The following GLT1D1 variants were observed in gnomAD, a reference collection of about 807,000 sequenced individuals.
The protein encoded by GLT1D1 is glycosyltransferase 1 domain-containing protein 1.
In GLT1D1, 21 loss-of-function variants were observed where a neutral mutation model predicts 28.7. That is an observed-to-expected ratio of 0.73 (90% CI 0.52 to 1.05). The LOEUF is 1.05. Among genes scored for constraint, GLT1D1 ranks in the 50% least tolerant of loss-of-function variants. GLT1D1 has a pLI of 0.00. For missense variants in GLT1D1, 343 were observed against 330.6 expected (o/e 1.04, Z -0.29); for synonymous variants, 147 against 124.8 (o/e 1.18, Z -1.19).
chr12:128,948,341 G>C (rs1288614355), intron 6 of GLT1D1, among the ~76,000 whole-genome samples: 1 of 152,104 alleles, frequency 6.6e-6, no homozygotes, highest in Non-Finnish European at 1.5e-5. Flanking sequence ...TGCCCTGGGG[G>C]CTCCTGAAGA....
intron 2 of GLT1D1, among the ~76,000 whole-genome samples, chr12:128,883,003 G>A (rs1333558767): frequency 6.6e-6 from 1 of 150,954 alleles, no homozygotes; most frequent in African/African-American, 2.4e-5. Context: ...TCGGCTCACC[G>A]CAACCTCTGA....
chr12:128,928,439 G>A (rs778834604), intron 4 of GLT1D1, among the ~76,000 whole-genome samples: 1 of 151,980 alleles, frequency 6.6e-6, no homozygotes, highest in Non-Finnish European at 1.5e-5. Context: ...TGTGTTCCAC[G>A]CCAGTCCTAA....
intron 1 of GLT1D1, among the ~76,000 whole-genome samples, chr12:128,865,136 T>C (rs950226663): frequency 6.6e-6 from 1 of 152,152 alleles, no homozygotes; most frequent in Non-Finnish European, 1.5e-5. Context: ...CGCCGAGGCT[T>C]CTGCCAGGAC....
At chr12:128,969,515 G>C (rs1251840539) in intron 7 of GLT1D1, among the ~76,000 whole-genome samples, 2 of 152,172 alleles carry the variant, frequency 1.3e-5, no homozygotes, top group Non-Finnish European at 2.9e-5. Flanking sequence ...GGTGTGCACC[G>C]AGCTGAGTGT....
intron 4 of GLT1D1, chr12:128,944,502 A>G (rs967621814): frequency 8.0e-5 from 84 of 1,046,826 alleles, no homozygotes; most frequent in Non-Finnish European, 1.1e-4. Flanking sequence ...TCAGAGCATC[A>G]ATGCCCACAG....
intron 7 of GLT1D1, among the ~76,000 whole-genome samples, chr12:128,981,939 A>T (rs575169542): frequency 6.6e-6 from 1 of 152,118 alleles, no homozygotes; most frequent in Non-Finnish European, 1.5e-5. Context: ...CGTGTCAAGA[A>T]CTCTGCTGTT....
chr12:128,863,498 A>T (rs140674475), intron 1 of GLT1D1, among the ~76,000 whole-genome samples: 12,107 of 151,986 alleles, frequency 0.08, 580 homozygotes, highest in South Asian at 0.2. Flanking sequence ...TCAGCCTCCC[A>T]AGTAGCTGGG....
intron 7 of GLT1D1, among the ~76,000 whole-genome samples, chr12:128,975,809 G>C (rs1212994292): frequency 1.3e-5 from 2 of 152,178 alleles, no homozygotes; most frequent in Non-Finnish European, 2.9e-5. Context: ...TAACCATGAT[G>C]TTCAGGGTGA....
intron 7 of GLT1D1, among the ~76,000 whole-genome samples, chr12:128,962,633 G>A (rs1407440455): frequency 2.0e-5 from 3 of 152,160 alleles, no homozygotes; most frequent in African/African-American, 7.2e-5. Context: ...GTTGAAGAGC[G>A]GCTGAAAGTC....
chr12:128,948,074 G>A (rs1269740490), intron 6 of GLT1D1, among the ~76,000 whole-genome samples: 1 of 152,168 alleles, frequency 6.6e-6, no homozygotes, highest in Non-Finnish European at 1.5e-5. Context: ...TCAGGACCGA[G>A]GCTGGAGTGG....
At chr12:128,947,293 T>C in intron 5 of GLT1D1, 45 bp from the exon 10 acceptor site, 3 of 1,601,000 alleles carry the variant, frequency 1.9e-6, no homozygotes, top group Non-Finnish European at 2.6e-6. Flanking sequence ...TGCCTACCCA[T>C]GAGATTCTTG....
At chr12:128,973,937 G>A (rs1275436959) in intron 7 of GLT1D1, among the ~76,000 whole-genome samples, 39 of 74,962 alleles carry the variant, frequency 5.2e-4, no homozygotes, top group Non-Finnish European at 7.9e-4. Context: ...TGTGTGTGTA[G>A]GGTGTGTGTG....
intron 4 of GLT1D1, among the ~76,000 whole-genome samples, chr12:128,924,408 C>G (rs1234063662): frequency 6.9e-6 from 1 of 145,634 alleles, no homozygotes; most frequent in African/African-American, 2.5e-5. Context: ...GCATAGTTGA[C>G]AGAGTGAGAC....
At chr12:128,957,911 C>T (rs1355750876) in intron 7 of GLT1D1, among the ~76,000 whole-genome samples, 1 of 152,188 alleles carries the variant, frequency 6.6e-6, no homozygotes, top group Non-Finnish European at 1.5e-5. Context: ...CTGAGATATT[C>T]GGATTTCTGA....
intron 7 of GLT1D1, among the ~76,000 whole-genome samples, chr12:128,970,089 C>T (rs1018534351): frequency 6.6e-5 from 10 of 152,180 alleles, no homozygotes; most frequent in African/African-American, 2.4e-4. Flanking sequence ...GAATCAGCTC[C>T]GAAGGCCGTT....
chr12:128,957,416 G>T, intron 6 of GLT1D1, 129 bp from the exon 11 acceptor site: 1 of 609,776 alleles, frequency 1.6e-6, no homozygotes. Context: ...GTTTTGGAAA[G>T]GCGTATTTTT....
chr12:128,956,419 A>G (rs1232258929), intron 6 of GLT1D1, among the ~76,000 whole-genome samples: 1 of 152,166 alleles, frequency 6.6e-6, no homozygotes, highest in East Asian at 1.9e-4. Context: ...TGTTGCTGAA[A>G]TATGGTTTTT....
rs573467836 is a variant in GLT1D1, at chr12:128,939,234, T to C, written c.376-6092T>C. Among the ~76,000 whole-genome samples, 6 of 152,160 alleles carry C rather than the reference T, an allele frequency of 3.9e-5. No individual in the cohort carries two copies. The South Asian group carries it at 1.0e-3, about 26-fold the overall frequency. On this transcript the variant is annotated intron_variant, in intron 4 of 7. Coordinates refer to ENST00000281703, the MANE Select transcript of GLT1D1 (RefSeq NM_144669.3). ...TGGAGTTTTCAGAAGTGTGGCAGTGTCACTTAATCTCAGATGTGTACTTAA... is the reference window on the plus strand; with the variant it reads ...TGGAGTTTTCAGAAGTGTGGCAGTGCCACTTAATCTCAGATGTGTACTTAA...
chr12:128,898,140 CTCT>C (rs1387391104), intron 3 of GLT1D1, among the ~76,000 whole-genome samples: 1 of 151,422 alleles, frequency 6.6e-6, no homozygotes, highest in East Asian at 1.9e-4. Context: ...CTTCCTCTTC[CTCT>C]TCTTCCTCCT....
Sources: gnomAD v4.1 joint callset for allele counts (sites outside exome capture counted in the v4.1 genomes callset) on GRCh38, gnomAD v4.1.1 for gene constraint, MANE v1.5 for transcripts, NCBI Gene and HGNC (gene_info 2026-07-23, HGNC 2026-07-21) for gene names.